Variants in TRIO observed in about 807,000 individuals in gnomAD.
TRIO encodes the protein triple functional domain protein.
TRIO carries 58 observed loss-of-function variants against 351.9 expected under a neutral mutation model. The ratio of observed to expected loss-of-function variants is 0.16; its 90% CI spans 0.13 to 0.21. The LOEUF is 0.21. Ranked by LOEUF, TRIO falls within the 10% of genes least tolerant of loss-of-function variation. The pLI is 1.00. For synonymous variants in TRIO, 1,758 were observed against 1,595.7 expected, an observed-to-expected ratio of 1.10 and a Z score of -2.42; for missense variants, 3,201 against 4,027.8, an observed-to-expected ratio of 0.79 and a Z score of 5.56.
chr5:14,308,748 TCCATCCATCCAATTAC>T (rs1738626203), intron 8 of TRIO, among the ~76,000 whole-genome samples: 1 of 122,398 alleles, frequency 8.2e-6, no homozygotes, highest in Admixed American at 8.1e-5. Context: ...CATCCATCCA[TCCATCCATCCAATTAC>T]CCATCCATTC....
rs202204309 is a variant in TRIO at position 14,473,976 on chromosome 5, A to T, written c.5980-18A>T. The T allele has an allele frequency of 6.2e-7, 1 of 1,607,974 alleles. No individual in the cohort carries two copies. ...ACATATTCCATGAAATACACTTATC[A>T]TAACTGTTTAATTGTAGGGCTACAT... is the stretch of plus-strand genomic sequence containing the variant. On this transcript the variant is annotated intron_variant, in intron 39 of 56. Coordinates refer to ENST00000344204, the MANE Select transcript of TRIO (RefSeq NM_007118.4).
chr5:14,480,265 G>A (rs868583519), intron 43 of TRIO, among the ~76,000 whole-genome samples: 11 of 152,160 alleles, frequency 7.2e-5, no homozygotes, highest in Non-Finnish European at 1.2e-4. Context: ...TTGGTAGGAC[G>A]GGAATCATCT....
At chr5:14,425,699 C>T (rs927178851) in intron 34 of TRIO, among the ~76,000 whole-genome samples, 1 of 152,144 alleles carries the variant, frequency 6.6e-6, no homozygotes, top group African/African-American at 2.4e-5. Context: ...GTAATTAGAT[C>T]ATGAGGGCAG....
chr5:14,233,419 G>GGCAGAGGTT (rs1338369371), intron 1 of TRIO, among the ~76,000 whole-genome samples: 1 of 151,854 alleles, frequency 6.6e-6, no homozygotes, highest in Non-Finnish European at 1.5e-5. Flanking sequence ...GAGCCTGGGA[G>GGCAGAGGTT]GCAGAGGTTG....
At chr5:14,159,321 CA>C (rs34735917) in intron 1 of TRIO, among the ~76,000 whole-genome samples, 54,924 of 140,304 alleles carry the variant, frequency 0.39, 11,686 homozygotes, top group African/African-American at 0.59. Flanking sequence ...AAATCGCAGT[CA>C]AAAAAAAAAA....
At chr5:14,285,922 A>G (rs1319523255) in intron 3 of TRIO, among the ~76,000 whole-genome samples, 1 of 152,182 alleles carries the variant, frequency 6.6e-6, no homozygotes, top group Non-Finnish European at 1.5e-5. Flanking sequence ...CTGTAGGGCC[A>G]TTCGGAAGCT....
At chr5:14,327,378 G>A (rs970500638) in intron 9 of TRIO, among the ~76,000 whole-genome samples, 45 of 152,174 alleles carry the variant, frequency 3.0e-4, no homozygotes, top group African/African-American at 1.0e-3. Context: ...TGACCAGGCG[G>A]GTCTCAAACT....
At chr5:14,409,777 G>C (rs1749036875) in intron 33 of TRIO, among the ~76,000 whole-genome samples, 1 of 149,020 alleles carries the variant, frequency 6.7e-6, no homozygotes, top group African/African-American at 2.5e-5. Context: ...AGAGCTTGCA[G>C]TGAGCCAAGA....
chr5:14,191,022 G>C (rs1056393303), intron 1 of TRIO, among the ~76,000 whole-genome samples: 2 of 152,180 alleles, frequency 1.3e-5, no homozygotes, highest in African/African-American at 4.8e-5. Flanking sequence ...CTCCAAAGGG[G>C]CAGCTGCAGG....
intron 1 of TRIO, among the ~76,000 whole-genome samples, chr5:14,180,719 A>T (rs73055570): frequency 3.9e-5 from 6 of 152,042 alleles, no homozygotes; most frequent in African/African-American, 1.5e-4. Flanking sequence ...AGTCCTAGCT[A>T]CTCAGGAGGC....
In TRIO at chr5:14,431,808, G is replaced by A. The variant is rs935961550; in HGVS notation, c.5203+11787G>A. Among the ~76,000 whole-genome samples the A allele has an allele frequency of 4.6e-5, 7 of 152,308 alleles. No homozygotes were observed. The South Asian group carries it at 1.5e-3, about 32-fold the overall frequency. On this transcript the variant is annotated intron_variant, in intron 34 of 56. Coordinates refer to ENST00000344204, the MANE Select transcript of TRIO (RefSeq NM_007118.4). ...GAAGAAGTCTAGAAGGAGTCAGCAG[G>A]GTCGGCTTCCTCTGGGGCCTCTGTC...
intron 21 of TRIO, among the ~76,000 whole-genome samples, chr5:14,386,635 TG>T (rs1746569236): frequency 6.6e-6 from 1 of 152,108 alleles, no homozygotes. Flanking sequence ...ACCATCGAAA[TG>T]GATGTGAAGA....
intron 31 of TRIO, among the ~76,000 whole-genome samples, chr5:14,402,854 T>G (rs1186729327): frequency 6.6e-6 from 1 of 152,006 alleles, no homozygotes; most frequent in African/African-American, 2.4e-5. Flanking sequence ...GTAGTGCTAG[T>G]GCAGGCAGTG....
chr5:14,448,437 C>T (rs948267212), intron 34 of TRIO, among the ~76,000 whole-genome samples: 9 of 152,330 alleles, frequency 5.9e-5, no homozygotes, highest in African/African-American at 2.2e-4. Context: ...CTAGACGTGG[C>T]CTTATGCCTG....
intron 1 of TRIO, among the ~76,000 whole-genome samples, chr5:14,190,252 G>A (rs1422819585): frequency 6.6e-6 from 1 of 152,164 alleles, no homozygotes; most frequent in Non-Finnish European, 1.5e-5. Flanking sequence ...GTGGACTACA[G>A]GGGCAGGCAG....
chr5:14,350,909 T>G (rs1186829892), intron 11 of TRIO, among the ~76,000 whole-genome samples: 3 of 152,110 alleles, frequency 2.0e-5, no homozygotes, highest in African/African-American at 7.2e-5. Context: ...CTGATCTGCC[T>G]CAGATTATCA....
chr5:14,473,499 A>T (rs1450191701), intron 39 of TRIO, among the ~76,000 whole-genome samples: 3 of 152,254 alleles, frequency 2.0e-5, no homozygotes, highest in Non-Finnish European at 1.5e-5. Context: ...AGACTTAAAT[A>T]GAAATTTTAA....
chr5:14,461,346 C>G (rs753793056), intron 35 of TRIO, 35 bp downstream of exon 35: 1 of 1,485,530 alleles, frequency 6.7e-7, no homozygotes, highest in Admixed American at 2.3e-5. Flanking sequence ...GCCGGCGTGG[C>G]GGGGCCCGCT....
intron 48 of TRIO, among the ~76,000 whole-genome samples, chr5:14,489,455 T>C (rs1381933122): frequency 6.6e-6 from 1 of 152,120 alleles, no homozygotes; most frequent in Non-Finnish European, 1.5e-5. Context: ...TGAGCATAGA[T>C]TTGAGTCCAG....
Sources: gnomAD v4.1 joint callset for allele counts (sites outside exome capture counted in the v4.1 genomes callset) on GRCh38, gnomAD v4.1.1 for gene constraint, MANE v1.5 for transcripts, NCBI Gene and HGNC (gene_info 2026-07-23, HGNC 2026-07-21) for gene names.